The following L3MBTL4 variants were observed in gnomAD, a reference collection of about 807,000 sequenced individuals.
L3MBTL4 encodes the protein L3MBTL histone methyl-lysine binding protein 4.
Under a neutral mutation model 84.5 loss-of-function variants are expected in L3MBTL4, and 70 were observed. The ratio of observed to expected loss-of-function variants is 0.83; its 90% CI spans 0.68 to 1.01. L3MBTL4 has a LOEUF of 1.01. Ranked by LOEUF, L3MBTL4 falls within the 50% of genes least tolerant of loss-of-function variation. The pLI is 0.00. For missense variants in L3MBTL4, 715 were observed against 754.8 expected (o/e 0.95, Z 0.62); for synonymous variants, 274 against 259.8 (o/e 1.05, Z -0.52).
intron 13 of L3MBTL4, among the ~76,000 whole-genome samples, chr18:6,142,603 C>G (rs778332198): frequency 6.6e-6 from 1 of 151,990 alleles, no homozygotes; most frequent in Non-Finnish European, 1.5e-5. Context: ...AACTTTTAAA[C>G]GAATCAGAGG....
intron 7 of L3MBTL4, 109 bp from the exon 8 acceptor site, chr18:6,241,558 G>T (rs1244280727): frequency 2.2e-5 from 13 of 599,514 alleles, no homozygotes; most frequent in Non-Finnish European, 3.8e-5. Context: ...TACTTTTAAT[G>T]GAAAAAAAAC....
chr18:6,083,793 C>A (rs930821826), intron 15 of L3MBTL4, among the ~76,000 whole-genome samples: 3 of 152,080 alleles, frequency 2.0e-5, no homozygotes, highest in African/African-American at 7.2e-5. Context: ...CTGTTTATAC[C>A]TGATTTATTC....
chr18:6,375,166 G>T (rs915545930), intron 1 of L3MBTL4, among the ~76,000 whole-genome samples: 4 of 151,874 alleles, frequency 2.6e-5, no homozygotes, highest in African/African-American at 9.7e-5. Context: ...CACTGCATCT[G>T]CCCCAGTCGA....
At chr18:6,203,487 C>T (rs985111274) in intron 12 of L3MBTL4, among the ~76,000 whole-genome samples, 1 of 152,132 alleles carries the variant, frequency 6.6e-6, no homozygotes, top group Non-Finnish European at 1.5e-5. Context: ...TCCAGAGAAC[C>T]TTATAACAGT....
At chr18:6,173,089 G>A (rs2145220899) in intron 12 of L3MBTL4, among the ~76,000 whole-genome samples, 1 of 152,300 alleles carries the variant, frequency 6.6e-6, no homozygotes, top group South Asian at 2.1e-4. Context: ...GCCTAACACT[G>A]TGTGTTAACA....
At chr18:6,118,797 T>A (rs2059435630) in intron 14 of L3MBTL4, among the ~76,000 whole-genome samples, 1 of 152,136 alleles carries the variant, frequency 6.6e-6, no homozygotes, top group Non-Finnish European at 1.5e-5. Context: ...TTTAAAATAC[T>A]GGTAAGTAAC....
intron 1 of L3MBTL4, among the ~76,000 whole-genome samples, chr18:6,317,238 A>C (rs996188668): frequency 6.6e-6 from 1 of 152,196 alleles, no homozygotes; most frequent in South Asian, 2.1e-4. Context: ...ATAATAAACT[A>C]TAAACATGTA....
intron 3 of L3MBTL4, among the ~76,000 whole-genome samples, chr18:6,305,601 A>G (rs2050549146): frequency 6.6e-6 from 1 of 152,250 alleles, no homozygotes. Flanking sequence ...TAATTCTGAA[A>G]ACTGAAAATA....
chr18:6,371,657 G>A (rs371192743), intron 1 of L3MBTL4, among the ~76,000 whole-genome samples: 17 of 152,320 alleles, frequency 1.1e-4, no homozygotes, highest in African/African-American at 4.1e-4. Flanking sequence ...GGGCACTGGT[G>A]CTTGGTAATA....
intron 12 of L3MBTL4, among the ~76,000 whole-genome samples, chr18:6,196,157 C>CTTTTTTTTTTTTTTT (rs71370547): frequency 7.7e-6 from 1 of 130,226 alleles, no homozygotes; most frequent in African/African-American, 3.3e-5. Flanking sequence ...TAGAGTTCCT[C>CTTTTTTTTTTTTTTT]TTTTTTTTTT....
chr18:6,250,672 C>T (rs979272704), intron 5 of L3MBTL4, among the ~76,000 whole-genome samples: 2 of 152,138 alleles, frequency 1.3e-5, no homozygotes, highest in African/African-American at 2.4e-5. Context: ...ATCCTGGCCA[C>T]CGAGGCACAC....
chr18:6,376,688 T>G (rs2054384285), intron 1 of L3MBTL4, among the ~76,000 whole-genome samples: 1 of 152,098 alleles, frequency 6.6e-6, no homozygotes. Flanking sequence ...CAGTGAGCCT[T>G]GATGGCATCA....
chr18:6,282,339 G>C (rs1178345709), intron 4 of L3MBTL4, among the ~76,000 whole-genome samples: 2 of 152,168 alleles, frequency 1.3e-5, no homozygotes, highest in African/African-American at 4.8e-5. Flanking sequence ...GCACAGAATA[G>C]GAGCCCAAGA....
chr18:6,066,309 G>T (rs1342264522), intron 16 of L3MBTL4, among the ~76,000 whole-genome samples: 2 of 152,126 alleles, frequency 1.3e-5, no homozygotes. Context: ...TCCATGTGCT[G>T]ATGAATAGAA....
At chr18:6,354,673 G>T (rs1335436585) in intron 1 of L3MBTL4, among the ~76,000 whole-genome samples, 1 of 152,176 alleles carries the variant, frequency 6.6e-6, no homozygotes, top group African/African-American at 2.4e-5. Context: ...ATGGGCATAT[G>T]AAAAGGAAGT....
intron 15 of L3MBTL4, among the ~76,000 whole-genome samples, chr18:6,081,559 G>C (rs2058078188): frequency 6.6e-6 from 1 of 152,186 alleles, no homozygotes; most frequent in East Asian, 1.9e-4. Flanking sequence ...ATTAATTTTA[G>C]GTAGATAGGC....
At chr18:6,038,249 A>ATTTT (rs1466729036) in intron 16 of L3MBTL4, among the ~76,000 whole-genome samples, 11 of 88,508 alleles carry the variant, frequency 1.2e-4, no homozygotes, top group Admixed American at 5.0e-4. Flanking sequence ...CCATTTCTGG[A>ATTTT]TCTTTTTTTT....
intron 16 of L3MBTL4, among the ~76,000 whole-genome samples, chr18:6,050,599 T>C (rs968309629): frequency 1.3e-5 from 2 of 152,232 alleles, no homozygotes; most frequent in Non-Finnish European, 2.9e-5. Flanking sequence ...TTTTCCAAAA[T>C]GCAAATATAA....
At chr18:6,348,287 T>C (rs552200898) in intron 1 of L3MBTL4, among the ~76,000 whole-genome samples, 1 of 152,162 alleles carries the variant, frequency 6.6e-6, no homozygotes, top group African/African-American at 2.4e-5. Flanking sequence ...AGATTGATCC[T>C]AACAGTTATA....
Sources: allele counts gnomAD v4.1 joint callset (sites outside exome capture counted in the v4.1 genomes callset), GRCh38; gene constraint gnomAD v4.1.1; transcripts MANE v1.5; gene names NCBI Gene and HGNC (gene_info 2026-07-23, HGNC 2026-07-21).